The following SLC4A4 variants were observed in gnomAD, a reference collection of about 807,000 sequenced individuals.
The protein encoded by SLC4A4 is electrogenic sodium bicarbonate cotransporter 1.
Under a neutral mutation model 111.5 loss-of-function variants are expected in SLC4A4, and 27 were observed. The observed-to-expected ratio is 0.24, with a 90% confidence interval of 0.18 to 0.33. The LOEUF is 0.33. Among genes scored for constraint, SLC4A4 ranks in the 10% least tolerant of loss-of-function variants. The probability of loss-of-function intolerance (pLI) is 1.00; values close to 1 mark genes in which losing one functional copy is unlikely to be tolerated. For synonymous variants in SLC4A4, 443 were observed against 463.4 expected (o/e 0.96, Z 0.57); for missense variants, 909 against 1,315.5 (o/e 0.69, Z 4.78).
At chr4:71,480,915 A>G (rs1031640260) in intron 14 of SLC4A4, among the ~76,000 whole-genome samples, 1 of 151,744 alleles carries the variant, frequency 6.6e-6, no homozygotes, top group Non-Finnish European at 1.5e-5. Flanking sequence ...TTTAACCATC[A>G]CATAAATCTT....
At chr4:71,424,523 T>C (rs1487033889) in intron 7 of SLC4A4, among the ~76,000 whole-genome samples, 5 of 152,184 alleles carry the variant, frequency 3.3e-5, no homozygotes, top group African/African-American at 1.2e-4. Flanking sequence ...ATCATGCTGC[T>C]ATAAAGACAC....
chr4:71,555,314 GT>G, intron 21 of SLC4A4, 106 bp downstream of exon 21: 1 of 812,050 alleles, frequency 1.2e-6, no homozygotes, highest in Non-Finnish European at 2.2e-6. Flanking sequence ...TAACTGCTGA[GT>G]TTTTAAAATG....
chr4:71,334,321 C>T (rs371612447), intron 3 of SLC4A4, among the ~76,000 whole-genome samples: 14 of 152,168 alleles, frequency 9.2e-5, no homozygotes, highest in African/African-American at 3.4e-4. Context: ...GGAGCTAGGG[C>T]CTGGAATTGG....
chr4:71,296,949 C>T (rs1311376386), intron 3 of SLC4A4, among the ~76,000 whole-genome samples: 1 of 152,158 alleles, frequency 6.6e-6, no homozygotes, highest in Non-Finnish European at 1.5e-5. Context: ...AAAAAATCCT[C>T]TAATCTTCTA....
At chr4:71,476,961 A>T (rs1728432288) in intron 14 of SLC4A4, among the ~76,000 whole-genome samples, 1 of 151,782 alleles carries the variant, frequency 6.6e-6, no homozygotes, top group African/African-American at 2.4e-5. Flanking sequence ...ATTACATAGC[A>T]GAGTGTGTAA....
intron 2 of SLC4A4, among the ~76,000 whole-genome samples, chr4:71,118,322 C>T (rs900416411): frequency 4.6e-5 from 7 of 152,142 alleles, no homozygotes; most frequent in Non-Finnish European, 1.0e-4. Flanking sequence ...TAAAATAAAT[C>T]AACACCTTTA....
At chr4:71,358,746 G>C (rs1730505166) in intron 6 of SLC4A4, among the ~76,000 whole-genome samples, 2 of 151,714 alleles carry the variant, frequency 1.3e-5, no homozygotes, top group South Asian at 4.2e-4. Flanking sequence ...TGGAAAGAGG[G>C]GTTACTTAAT....
At chr4:71,111,653 C>G (rs1743092527) in intron 2 of SLC4A4, among the ~76,000 whole-genome samples, 3 of 144,786 alleles carry the variant, frequency 2.1e-5, no homozygotes, top group African/African-American at 5.1e-5. Context: ...TCCCAAAGTG[C>G]TGGGATTACA....
At chr4:71,130,337 C>A (rs774910990) in intron 2 of SLC4A4, among the ~76,000 whole-genome samples, 7 of 152,138 alleles carry the variant, frequency 4.6e-5, no homozygotes, top group Non-Finnish European at 8.8e-5. Flanking sequence ...TTAAGCAATT[C>A]TACCACCTCA....
chr4:71,125,580 C>T (rs1170716278), intron 2 of SLC4A4, among the ~76,000 whole-genome samples: 1 of 152,164 alleles, frequency 6.6e-6, no homozygotes, highest in African/African-American at 2.4e-5. Context: ...TGCACCTAAT[C>T]AGGTCTGACA....
intron 15 of SLC4A4, 139 bp downstream of exon 15, chr4:71,487,157 G>T: frequency 1.8e-6 from 1 of 540,694 alleles, no homozygotes. Context: ...TGACAGTGGA[G>T]GGACGGGAAA....
intron 7 of SLC4A4, among the ~76,000 whole-genome samples, chr4:71,440,284 G>A (rs972357286): frequency 1.3e-5 from 2 of 151,898 alleles, no homozygotes; most frequent in African/African-American, 4.8e-5. Flanking sequence ...AGTATTGCCT[G>A]GCTTATAGTA....
intron 16 of SLC4A4, among the ~76,000 whole-genome samples, chr4:71,511,261 C>T (rs942305366): frequency 6.6e-6 from 1 of 151,690 alleles, no homozygotes; most frequent in African/African-American, 2.4e-5. Flanking sequence ...CTTCTTTTAC[C>T]CTGAAGAATT....
chr4:71,270,489 A>T (rs1722630389), intron 3 of SLC4A4, among the ~76,000 whole-genome samples: 1 of 152,168 alleles, frequency 6.6e-6, no homozygotes, highest in Non-Finnish European at 1.5e-5. Context: ...TGCTACATTA[A>T]GTTGTTAGTG....
At chr4:71,305,438 A>G (rs1289598372) in intron 3 of SLC4A4, among the ~76,000 whole-genome samples, 1 of 152,230 alleles carries the variant, frequency 6.6e-6, no homozygotes, top group African/African-American at 2.4e-5. Context: ...GCACCTGTTT[A>G]TAAGGGTTTA....
At chr4:71,212,951 T>C (rs960994135) in intron 1 of SLC4A4, among the ~76,000 whole-genome samples, 2 of 152,222 alleles carry the variant, frequency 1.3e-5, no homozygotes, top group African/African-American at 4.8e-5. Context: ...CTGTACATTT[T>C]CTATGTTTAG....
At chr4:71,394,801 A>T (rs530431061) in intron 6 of SLC4A4, among the ~76,000 whole-genome samples, 3 of 152,298 alleles carry the variant, frequency 2.0e-5, no homozygotes. Flanking sequence ...GGAGACCGTT[A>T]TTCTAAGTGA....
At chr4:71,206,882 A>G (rs993935703) in intron 1 of SLC4A4, among the ~76,000 whole-genome samples, 5 of 151,962 alleles carry the variant, frequency 3.3e-5, no homozygotes, top group African/African-American at 1.2e-4. Context: ...TTCCTCTACT[A>G]TAATCATCTA....
intron 2 of SLC4A4, among the ~76,000 whole-genome samples, chr4:71,131,287 T>C (rs1253691334): frequency 6.6e-6 from 1 of 152,196 alleles, no homozygotes; most frequent in East Asian, 1.9e-4. Context: ...TGAAGTGCAC[T>C]TTCGCCGTCC....
Sources: gnomAD v4.1 joint callset for allele counts (sites outside exome capture counted in the v4.1 genomes callset) on GRCh38, gnomAD v4.1.1 for gene constraint, MANE v1.5 for transcripts, NCBI Gene and HGNC (gene_info 2026-07-23, HGNC 2026-07-21) for gene names.